The following MCMBP variants were observed in gnomAD, a reference collection of about 807,000 sequenced individuals.
MCMBP encodes the protein mini-chromosome maintenance complex-binding protein.
MCMBP carries 31 observed loss-of-function variants against 81.3 expected under a neutral mutation model. The ratio of observed to expected loss-of-function variants is 0.38; its 90% CI spans 0.29 to 0.51. The LOEUF (loss-of-function observed/expected upper bound fraction) is 0.51, where lower values mean the gene tolerates loss of function less well. Among genes scored for constraint, MCMBP ranks in the 20% least tolerant of loss-of-function variants. The probability of loss-of-function intolerance (pLI) is 0.87; values close to 1 mark genes in which losing one functional copy is unlikely to be tolerated. For missense variants in MCMBP, 645 were observed against 772.1 expected (o/e 0.84, Z 1.95); for synonymous variants, 267 against 275.9 (o/e 0.97, Z 0.32).
chr10:119,836,829 G>T, intron 13 of MCMBP, 67 bp downstream of exon 13: 5 of 732,306 alleles, frequency 6.8e-6, no homozygotes, highest in Non-Finnish European at 9.6e-6. Flanking sequence ...GCGGTACCAA[G>T]AAACAGCAAA....
chr10:119,854,495 G>A (rs1168350434), intron 5 of MCMBP, among the ~76,000 whole-genome samples: 1 of 151,070 alleles, frequency 6.6e-6, no homozygotes, highest in Non-Finnish European at 1.5e-5. Flanking sequence ...TTGAGCTCAG[G>A]AGTTCGAGAC....
chr10:119,843,461 A>G, intron 8 of MCMBP, 35 bp from the exon 9 acceptor site: 1 of 1,593,448 alleles, frequency 6.3e-7, no homozygotes, highest in Non-Finnish European at 8.6e-7. Context: ...ATTTAGAGAG[A>G]CATCAATTGC....
At chr10:119,865,069 TTC>T (rs1455494255) in intron 1 of MCMBP, among the ~76,000 whole-genome samples, 3 of 137,524 alleles carry the variant, frequency 2.2e-5, no homozygotes, top group Admixed American at 1.4e-4. Context: ...TTGTTCAGTA[TTC>T]TTTTTGATTT....
At chr10:119,850,083 C>T (rs1852754238) in intron 6 of MCMBP, among the ~76,000 whole-genome samples, 2 of 152,130 alleles carry the variant, frequency 1.3e-5, no homozygotes, top group African/African-American at 2.4e-5. Context: ...ACCCCAACTC[C>T]TGAAGTAGTT....
At chr10:119,870,017 A>G (rs927398580) in intron 1 of MCMBP, among the ~76,000 whole-genome samples, 1 of 152,258 alleles carries the variant, frequency 6.6e-6, no homozygotes, top group Non-Finnish European at 1.5e-5. Context: ...TGTAATTTTA[A>G]TTAATTTACA....
At chr10:119,853,427 G>A (rs538768343) in intron 5 of MCMBP, among the ~76,000 whole-genome samples, 5 of 152,324 alleles carry the variant, frequency 3.3e-5, no homozygotes, top group East Asian at 1.9e-4. Context: ...TGAAGCAACT[G>A]TTTTCAGTCA....
chr10:119,849,640 C>G (rs1215389993), intron 6 of MCMBP, 64 bp from the exon 7 acceptor site: 3 of 1,428,650 alleles, frequency 2.1e-6, no homozygotes, highest in Non-Finnish European at 2.8e-6. Flanking sequence ...AAAGAACATT[C>G]CATAAGTGCC....
chr10:119,841,015 T>C, intron 10 of MCMBP, 55 bp from the exon 11 acceptor site: 1 of 1,023,052 alleles, frequency 9.8e-7, no homozygotes, highest in Non-Finnish European at 1.5e-6. Flanking sequence ...CTGATTTCTA[T>C]CAAATAGCGA....
chr10:119,854,631 A>G (rs1401970239), intron 5 of MCMBP, among the ~76,000 whole-genome samples: 2 of 151,862 alleles, frequency 1.3e-5, no homozygotes, highest in Non-Finnish European at 1.5e-5. Flanking sequence ...AAACTGACAG[A>G]ATTCGTCACC....
intron 4 of MCMBP, 195 bp from the exon 5 acceptor site, chr10:119,857,634 C>T (rs771071394): frequency 1.1e-4 from 46 of 422,562 alleles, no homozygotes; most frequent in Non-Finnish European, 1.7e-4. Context: ...TGTCATCAAA[C>T]ACTTCCTCCC....
Position 119,859,103 on chromosome 10 carries a change from T to C in MCMBP, c.223A>G (p.Met75Val), listed in dbSNP as rs150277495. The C allele has an allele frequency of 5.0e-6, 8 of 1,613,822 alleles. No individual in the cohort carries two copies. Among genetic ancestry groups the C allele is most frequent in the Middle Eastern group, 1.6e-4 (1 of 6,082 alleles). ...CCCATGTAAAACTCAGGGTCAAACA[T>C]ATCCTGAATCATGCAACGAAATTTC... Reference protein sequence around the residue: ...FVKFRCMIQDMFDPEFYMGVY... With the variant: ...FVKFRCMIQDVFDPEFYMGVY... Residue 75 changes from methionine to valine, a missense_variant, in exon 3 of 16, where the codon ATG becomes GTG. Coordinates refer to ENST00000369077, the MANE Select transcript of MCMBP (RefSeq NM_001256378.2).
chr10:119,872,612 C>G lies in MCMBP; in HGVS notation c.-28G>C. Reference sequence around the variant, plus strand: ...CGCCAGGGGCCGGGGCCGGCGAAGACCGGGCGGAGGCGATCCGCGGGCCGA... The same window carrying G: ...CGCCAGGGGCCGGGGCCGGCGAAGAGCGGGCGGAGGCGATCCGCGGGCCGA... On this transcript the variant is annotated 5_prime_UTR_variant, in exon 1 of 16. Transcript: ENST00000369077. The G allele has an allele frequency of 2.6e-6, 3 of 1,156,690 alleles. No individual in the cohort carries two copies. The highest frequency in any genetic ancestry group is 4.2e-5 in the East Asian group (1 of 23,626). The allele number at this position is 1,156,690 out of a possible 1,614,324, so 71.7% of individuals were successfully genotyped here.
chr10:119,837,442 C>T (rs569047674), intron 12 of MCMBP, among the ~76,000 whole-genome samples: 1 of 152,234 alleles, frequency 6.6e-6, no homozygotes, highest in South Asian at 2.1e-4. Context: ...TTTTCTTCTA[C>T]CTTTACCTCT....
chr10:119,843,271 T>A lies in MCMBP; in HGVS notation c.983A>T (p.Lys328Ile). Reference protein sequence around the residue: ...INPLLPACLNKEESKTFVSSF... With the variant: ...INPLLPACLNIEESKTFVSSF... ...ACACTTACAGGTTTTGCTCTCCTCTTTGTTAAGGCAGGCAGGCAATAATGG... is the reference window on the plus strand; with the variant it reads ...ACACTTACAGGTTTTGCTCTCCTCTATGTTAAGGCAGGCAGGCAATAATGG... Residue 328 changes from lysine to isoleucine, a missense_variant, in exon 9 of 16, where the codon AAA (lysine) becomes ATA (isoleucine). By Grantham distance (102) the Lys-to-Ile change is moderately radical. Coordinates refer to ENST00000369077, the MANE Select transcript of MCMBP (RefSeq NM_001256378.2). 6.2e-7 allele frequency: 1 copy of A among 1,613,752 alleles called. No homozygotes were observed. The highest frequency in any genetic ancestry group is 8.5e-7 in the Non-Finnish European group (1 of 1,179,762).
At chr10:119,846,959 G>A (rs575443200) in intron 8 of MCMBP, among the ~76,000 whole-genome samples, 3 of 152,082 alleles carry the variant, frequency 2.0e-5, no homozygotes, top group Non-Finnish European at 4.4e-5. Context: ...GCTGAGGACT[G>A]TTTCAGATTG....
intron 11 of MCMBP, among the ~76,000 whole-genome samples, chr10:119,840,238 T>G (rs1852386798): frequency 6.6e-6 from 1 of 152,204 alleles, no homozygotes; most frequent in Admixed American, 6.5e-5. Flanking sequence ...CTTCTGCTTC[T>G]TGAGGGCCTG....
chr10:119,863,702 C>A (rs1157899218), intron 1 of MCMBP, among the ~76,000 whole-genome samples: 75 of 125,656 alleles, frequency 6.0e-4, no homozygotes, highest in African/African-American at 2.3e-3. Context: ...GCACTCCAGC[C>A]TGGGAGACAG....
At chr10:119,872,042 A>G (rs1242679290) in intron 1 of MCMBP, among the ~76,000 whole-genome samples, 1 of 152,332 alleles carries the variant, frequency 6.6e-6, no homozygotes, top group East Asian at 1.9e-4. Context: ...AGGGTAGCAC[A>G]GGAGTTAGAA....
chr10:119,832,237 A>G (rs1852074580), intron 14 of MCMBP, 137 bp from the exon 15 acceptor site: 2 of 572,892 alleles, frequency 3.5e-6, no homozygotes, highest in South Asian at 2.4e-5. Flanking sequence ...GTACCAAAGC[A>G]TATACATACA....
Sources: allele counts gnomAD v4.1 joint callset (sites outside exome capture counted in the v4.1 genomes callset), GRCh38; gene constraint gnomAD v4.1.1; transcripts MANE v1.5; gene names NCBI Gene and HGNC (gene_info 2026-07-23, HGNC 2026-07-21).